The following MLLT6 variants were observed in gnomAD, a reference collection of about 807,000 sequenced individuals.
The protein encoded by MLLT6 is protein AF-17.
A neutral mutation model predicts 103.0 loss-of-function variants in MLLT6; 22 were observed. That is an observed-to-expected ratio of 0.21 (90% CI 0.15 to 0.31). MLLT6 has a LOEUF of 0.31. Among genes scored for constraint, MLLT6 ranks in the 10% least tolerant of loss-of-function variants. MLLT6 has a pLI of 1.00. For missense variants in MLLT6, 1,199 were observed against 1,441.7 expected (o/e 0.83, Z 2.73); for synonymous variants, 606 against 623.5 (o/e 0.97, Z 0.42).
chr17:38,707,996 G>T, intron 4 of MLLT6, 124 bp downstream of exon 4: 2 of 686,694 alleles, frequency 2.9e-6, no homozygotes, highest in Non-Finnish European at 5.2e-6. Flanking sequence ...TGGGAGGTGG[G>T]TAGGTACCTA....
chr17:38,717,671 A>G, intron 11 of MLLT6, 58 bp downstream of exon 11: 2 of 1,563,018 alleles, frequency 1.3e-6, no homozygotes, highest in South Asian at 1.1e-5. Context: ...AGACTGACAG[A>G]GGACCCCAGC....
Position 38,720,703 on chromosome 17 carries a change from AAG to A in MLLT6, c.2401_2402del (p.Ser801GlnfsTer13). 6.2e-7 allele frequency: 1 copy of A among 1,613,880 alleles called. No individual in the cohort carries two copies. Among genetic ancestry groups the A allele is most frequent in the Non-Finnish European group, 8.5e-7 (1 of 1,180,028 alleles). Reference sequence around the variant, plus strand: ...GAGCACCAGCAAGAGCCCTCCGGGAAAGAGCAGCCTCGGCCTGGACAACTCGC... The same window carrying A: ...GAGCACCAGCAAGAGCCCTCCGGGAAAGCAGCCTCGGCCTGGACAACTCGC... The part of the protein sequence containing the change: ...SLSTSKSPPG[K>X]SSLGLDNSLS... On this transcript the variant is annotated frameshift_variant, in exon 16 of 20. Transcript: ENST00000621332. LOFTEE classifies it high-confidence loss of function.
intron 11 of MLLT6, 93 bp from the exon 12 acceptor site, chr17:38,717,752 T>G: frequency 7.3e-7 from 1 of 1,364,134 alleles, no homozygotes; most frequent in Non-Finnish European, 1.0e-6. Flanking sequence ...ACCCCTCTGC[T>G]CCCCAGCACA....
At chr17:38,712,855 G>A (rs1597992706) in intron 8 of MLLT6, 66 bp downstream of exon 8, 2 of 1,246,080 alleles carry the variant, frequency 1.6e-6, no homozygotes, top group Non-Finnish European at 2.4e-6. Flanking sequence ...GGGAGGCGGG[G>A]GCGAGAGGTT....
At chr17:38,715,151 C>T (rs1674341595) in intron 8 of MLLT6, among the ~76,000 whole-genome samples, 1 of 152,102 alleles carries the variant, frequency 6.6e-6, no homozygotes, top group African/African-American at 2.4e-5. Context: ...AGCCAGGGGG[C>T]CGAAGTTTGG....
At chr17:38,717,749 T>G in intron 11 of MLLT6, 96 bp from the exon 12 acceptor site, 3 of 1,365,500 alleles carry the variant, frequency 2.2e-6, no homozygotes. Context: ...TGGACCCCTC[T>G]GCTCCCCAGC....
chr17:38,712,787 A>G lies in MLLT6; in HGVS notation c.817A>G (p.Lys273Glu). Residue 273 changes from lysine (K) to glutamate (E), a missense_variant and splice_region_variant, in exon 8 of 20, where the codon AAG becomes GAG. Lys to Glu is a moderately conservative substitution (Grantham distance 56). Coordinates refer to ENST00000621332, the MANE Select transcript of MLLT6 (RefSeq NM_005937.4). Reference protein sequence around the residue: ...LTPPVVPTADKVSSSASSSSH... With the variant: ...LTPPVVPTADEVSSSASSSSH... ...CCCGCCCGTGGTCCCCACTGCTGACAAGGTACTGCTGCCCACCTTCAGGAG... is the reference window on the plus strand; with the variant it reads ...CCCGCCCGTGGTCCCCACTGCTGACGAGGTACTGCTGCCCACCTTCAGGAG... The G allele has an allele frequency of 6.2e-7, 1 of 1,610,726 alleles. No homozygotes were observed. Among genetic ancestry groups the G allele is most frequent in the East Asian group, 2.2e-5 (1 of 44,864 alleles).
intron 2 of MLLT6, 61 bp downstream of exon 2, chr17:38,707,090 G>A (rs958412473): frequency 2.9e-5 from 43 of 1,471,604 alleles, no homozygotes; most frequent in Non-Finnish European, 3.7e-5. Flanking sequence ...AGCGTCTCAG[G>A]TTGAGCTAGG....
intron 8 of MLLT6, chr17:38,714,188 G>A (rs1207614459): frequency 1.3e-5 from 2 of 152,172 alleles, no homozygotes; most frequent in Non-Finnish European, 2.9e-5. Context: ...TGGGGCACAG[G>A]GAGGTTAAGT....
chr17:38,723,867 C>A (rs1423251668), intron 18 of MLLT6, among the ~76,000 whole-genome samples: 1 of 151,538 alleles, frequency 6.6e-6, no homozygotes, highest in Non-Finnish European at 1.5e-5. Context: ...CTCAGCCTCC[C>A]AAGTAGCTGG....
In MLLT6 at chr17:38,721,016, A is replaced by C. The variant is rs1905703479; in HGVS notation, c.2442+269A>C. 7.2e-6 allele frequency: 4 copies of C among 554,266 alleles called. No homozygotes were observed. In the South Asian group the frequency reaches 8.4e-5, roughly 12 times the overall value. 34.3% of individuals were successfully genotyped at this position (554,266 alleles called of 1,614,324 possible). A position where few individuals can be genotyped will look rare whatever the true frequency, so the allele number is the denominator to read the frequency against. ...AAAGAAGGAGTAATCACAAACTGGG[A>C]GATATGTTAGTGTGGAGAGAAATTG... On this transcript the variant is annotated intron_variant, in intron 16 of 19. Transcript: ENST00000621332.
chr17:38,705,788 G>GACCC, intron 1 of MLLT6, 47 bp downstream of exon 1: 1 of 929,920 alleles, frequency 1.1e-6, no homozygotes, highest in Admixed American at 4.5e-5. Flanking sequence ...GGGGCGGCGT[G>GACCC]CGCGGGGCGC....
At position 38,719,542 on chromosome 17, in the gene MLLT6, C is replaced by T. The variant is rs748377331; in HGVS notation, c.1968C>T (p.Phe656=). 1.9e-6 allele frequency: 3 copies of T among 1,611,710 alleles called. No individual in the cohort carries two copies. The South Asian group carries it at 3.3e-5, about 18-fold the overall frequency. The change falls in exon 13 of 20, where the codon TTC becomes TTT. Residue 656 remains phenylalanine (F), a synonymous_variant. Coordinates refer to ENST00000621332, the MANE Select transcript of MLLT6 (RefSeq NM_005937.4). The part of the protein sequence containing the change: ...HTEPDLEDCS[F]RCRGTSPQES... ...AGCCAGACCTGGAGGACTGCAGCTT[C>T]CGGTGTCGGGGGACCTCCCCTCAGG... is the stretch of plus-strand genomic sequence containing the variant.
chr17:38,722,409 C>T (rs541542169), intron 17 of MLLT6, among the ~76,000 whole-genome samples, 182 bp downstream of exon 17: 119 of 152,282 alleles, frequency 7.8e-4, no homozygotes, highest in Middle Eastern at 3.4e-3. Context: ...ACATGTGTGT[C>T]CTCTGGACGG....
Position 38,725,953 on chromosome 17 carries a change from G to A in MLLT6, c.*355G>A, listed in dbSNP as rs1265447939. ...GTTGGTTGGACCTGTCACATGAAAT[G>A]GATCAGCACTTGAATGGGGAGAAGT... On this transcript the variant is annotated 3_prime_UTR_variant, in exon 20 of 20. Transcript: ENST00000621332. The A allele has an allele frequency of 5.8e-5, 19 of 328,324 alleles. No homozygotes were observed. The highest frequency in any genetic ancestry group is 8.8e-5 in the Non-Finnish European group (16 of 180,954). The allele number at this position is 328,324 out of a possible 1,614,324, so 20.3% of individuals were successfully genotyped here. A position where few individuals can be genotyped will look rare whatever the true frequency, so the allele number is the denominator to read the frequency against.
intron 6 of MLLT6, among the ~76,000 whole-genome samples, chr17:38,711,466 C>T (rs1264218840): frequency 6.6e-6 from 1 of 152,068 alleles, no homozygotes; most frequent in East Asian, 1.9e-4. Flanking sequence ...CGAGGGTCCC[C>T]TGCACGCCCT....
Position 38,722,701 on chromosome 17 carries a change from T to C in MLLT6, c.2816T>C (p.Leu939Pro). The C allele has an allele frequency of 7.5e-7, 1 of 1,334,550 alleles. No individual in the cohort carries two copies. The highest frequency in any genetic ancestry group is 9.9e-7 in the Non-Finnish European group (1 of 1,009,312). The allele number at this position is 1,334,550 out of a possible 1,614,324, so 82.7% of individuals were successfully genotyped here. A position where few individuals can be genotyped will look rare whatever the true frequency, so the allele number is the denominator to read the frequency against. Reference sequence around the variant, plus strand: ...AGCCTTACAGAGCAGCAGAGACATCTCCTTCAGCAGCAAGAGCAGCAGCTC... The same window carrying C: ...AGCCTTACAGAGCAGCAGAGACATCCCCTTCAGCAGCAAGAGCAGCAGCTC... ...LNSLTEQQRH[L>P]LQQQEQQLQQ... Residue 939 changes from leucine (L) to proline (P), a missense_variant, in exon 18 of 20, where the codon CTC becomes CCC. Coordinates refer to ENST00000621332, the MANE Select transcript of MLLT6 (RefSeq NM_005937.4).
At chr17:38,705,895 G>A (rs1340362239) in intron 1 of MLLT6, among the ~76,000 whole-genome samples, 154 bp downstream of exon 1, 1 of 150,410 alleles carries the variant, frequency 6.6e-6, no homozygotes, top group Non-Finnish European at 1.5e-5. Context: ...CCCCCCGCCC[G>A]GTCCTGGAAG....
Position 38,721,889 on chromosome 17 carries a change from A to G in MLLT6, c.2454A>G (p.Ser818=). 1 of 1,575,554 alleles carries G rather than the reference A, an allele frequency of 6.3e-7. No individual in the cohort carries two copies. Residue 818 remains serine, a synonymous_variant, in exon 17 of 20, where the codon TCA becomes TCG. Transcript: ENST00000621332. The stretch of plus-strand genomic sequence containing the variant: ...CCCTCCCTCCCCAGGACCCACACTC[A>G]GGCTGCCCGAGCCGCAGCAGCTCGT... The part of the protein sequence containing the change: ...SLSTSSEDPH[S]GCPSRSSSSL...
Sources: allele counts gnomAD v4.1 joint callset (sites outside exome capture counted in the v4.1 genomes callset), GRCh38; gene constraint gnomAD v4.1.1; transcripts MANE v1.5; gene names NCBI Gene and HGNC (gene_info 2026-07-23, HGNC 2026-07-21).